The following MND1 variants were observed in gnomAD, a reference collection of about 807,000 sequenced individuals.
MND1 encodes meiotic nuclear divisions 1.
MND1 carries 28 observed loss-of-function variants against 35.1 expected under a neutral mutation model. The observed-to-expected ratio is 0.80, with a 90% CI of 0.59 to 1.09. The LOEUF (loss-of-function observed/expected upper bound fraction) is 1.09. MND1 is among the 50% of genes least tolerant of loss of function. MND1 has a pLI of 0.00. For synonymous variants in MND1, 69 were observed against 70.5 expected, an observed-to-expected ratio of 0.98 and a Z score of 0.11; for missense variants, 213 against 239.6, an observed-to-expected ratio of 0.89 and a Z score of 0.73.
rs550192094 is a variant in MND1, at chr4:153,412,270, T to C, written c.512-2481T>C. On this transcript the variant is annotated intron_variant, in intron 7 of 7. Transcript: ENST00000240488. The stretch of plus-strand genomic sequence containing the variant: ...GAAATAAACTTCCATAGAAAAAATA[T>C]TTTAAAAAGTGATGAAACTCCATGT... Among the ~76,000 whole-genome samples, 23 of 152,306 alleles carry C rather than the reference T, an allele frequency of 1.5e-4. 1 individual carries two copies. Among genetic ancestry groups the C allele is most frequent in the African/African-American group, 5.5e-4 (23 of 41,568 alleles).
intron 6 of MND1, among the ~76,000 whole-genome samples, chr4:153,407,167 A>C (rs562502133): frequency 1.3e-5 from 2 of 152,336 alleles, no homozygotes; most frequent in East Asian, 3.9e-4. Flanking sequence ...ATAATGTAAA[A>C]ATAGAAAATA....
At chr4:153,367,506 A>G (rs1193771324) in intron 4 of MND1, among the ~76,000 whole-genome samples, 1 of 152,204 alleles carries the variant, frequency 6.6e-6, no homozygotes. Flanking sequence ...TTTTATGGCC[A>G]AATAATACTC....
intron 4 of MND1, among the ~76,000 whole-genome samples, chr4:153,371,212 G>A (rs1773782696): frequency 6.6e-6 from 1 of 152,066 alleles, no homozygotes; most frequent in South Asian, 2.1e-4. Flanking sequence ...GGCACAGGCA[G>A]AGTAGATTTA....
chr4:153,369,116 G>A (rs911091412), intron 4 of MND1, among the ~76,000 whole-genome samples: 10 of 152,104 alleles, frequency 6.6e-5, no homozygotes, highest in African/African-American at 1.4e-4. Context: ...TTCCTTGCAG[G>A]GTCTTGGGCT....
intron 6 of MND1, among the ~76,000 whole-genome samples, chr4:153,407,625 G>A (rs767679057): frequency 2.4e-4 from 36 of 152,076 alleles, no homozygotes; most frequent in South Asian, 6.2e-4. Flanking sequence ...AAAATTATTC[G>A]TATTAGCAGA....
At chr4:153,399,792 C>T (rs1729294783) in intron 6 of MND1, among the ~76,000 whole-genome samples, 2 of 151,806 alleles carry the variant, frequency 1.3e-5, no homozygotes, top group South Asian at 2.1e-4. Flanking sequence ...TTTCCCAACC[C>T]AAGGAAAACA....
chr4:153,406,940 A>G (rs1729527184), intron 6 of MND1, among the ~76,000 whole-genome samples: 2 of 152,248 alleles, frequency 1.3e-5, no homozygotes, highest in South Asian at 4.1e-4. Flanking sequence ...GCAGACGAGA[A>G]GAGAGCTTGT....
chr4:153,408,027 G>C (rs1017957843), intron 6 of MND1, among the ~76,000 whole-genome samples: 1 of 152,158 alleles, frequency 6.6e-6, no homozygotes, highest in African/African-American at 2.4e-5. Context: ...TGTAATCCCA[G>C]CACTTTAGGA....
chr4:153,413,312 C>T (rs1729741404), intron 7 of MND1, among the ~76,000 whole-genome samples: 1 of 152,002 alleles, frequency 6.6e-6, no homozygotes, highest in African/African-American at 2.4e-5. Context: ...AATCTTATAC[C>T]ATTATTTTTT....
intron 4 of MND1, chr4:153,361,766 A>T (rs1773499698): frequency 3.1e-6 from 1 of 323,068 alleles, no homozygotes; most frequent in African/African-American, 2.2e-5. Context: ...TGAACCCGGG[A>T]GGTGGAGCTT....
intron 7 of MND1, among the ~76,000 whole-genome samples, chr4:153,414,345 G>T (rs1729775165): frequency 6.7e-6 from 1 of 149,410 alleles, no homozygotes; most frequent in Non-Finnish European, 1.5e-5. Flanking sequence ...GCAATGGTGT[G>T]ATCTCGGCTC....
chr4:153,400,322 T>G (rs1281616938), intron 6 of MND1, among the ~76,000 whole-genome samples: 2 of 152,180 alleles, frequency 1.3e-5, no homozygotes, highest in Non-Finnish European at 2.9e-5. Context: ...ATATATTAAT[T>G]TTTTACTTGG....
At chr4:153,373,017 CTT>C (rs1294755413) in intron 4 of MND1, among the ~76,000 whole-genome samples, 2 of 137,658 alleles carry the variant, frequency 1.5e-5, no homozygotes. Flanking sequence ...TATAGGAAAT[CTT>C]TTTTTTTTTT....
intron 4 of MND1, among the ~76,000 whole-genome samples, chr4:153,380,323 G>A (rs1347584588): frequency 1.3e-5 from 2 of 151,846 alleles, no homozygotes. Flanking sequence ...GCATTTTTTG[G>A]ATTTTCCTTT....
chr4:153,348,612 A>G (rs1390478767), intron 1 of MND1, among the ~76,000 whole-genome samples: 1 of 152,050 alleles, frequency 6.6e-6, no homozygotes, highest in Non-Finnish European at 1.5e-5. Flanking sequence ...ATCAAGAAAC[A>G]CCTGATCATT....
chr4:153,377,105 T>C (rs1318765924), intron 4 of MND1, among the ~76,000 whole-genome samples: 1 of 152,178 alleles, frequency 6.6e-6, no homozygotes, highest in Non-Finnish European at 1.5e-5. Context: ...CTTCCTTAGT[T>C]CTTCATCCAA....
intron 2 of MND1, among the ~76,000 whole-genome samples, chr4:153,350,772 A>G (rs1475523404): frequency 1.3e-5 from 2 of 152,194 alleles, no homozygotes; most frequent in African/African-American, 4.8e-5. Context: ...TAAAGGCCAC[A>G]TAAATCTTTG....
At chr4:153,345,259 C>A in intron 1 of MND1, 1 of 874,916 alleles carries the variant, frequency 1.1e-6, no homozygotes, top group Non-Finnish European at 1.4e-6. Flanking sequence ...TGGTTTGTCA[C>A]CATTGAGTGG....
intron 4 of MND1, among the ~76,000 whole-genome samples, chr4:153,387,101 A>G (rs75395160): frequency 0.017 from 2,596 of 152,354 alleles, 52 homozygotes; most frequent in East Asian, 0.076. Flanking sequence ...ACTTAAAAGT[A>G]TGTTTCACAA....
Sources: allele counts gnomAD v4.1 joint callset (sites outside exome capture counted in the v4.1 genomes callset), GRCh38; gene constraint gnomAD v4.1.1; transcripts MANE v1.5; gene names NCBI Gene and HGNC (gene_info 2026-07-23, HGNC 2026-07-21).